ZFYVE9: variants seen among roughly 807,000 people sequenced by gnomAD.
The protein encoded by ZFYVE9 is zinc finger FYVE-type containing 9, also known as zinc finger FYVE domain-containing protein 9.
ZFYVE9 carries 43 observed loss-of-function variants against 126.7 expected under a neutral mutation model. That is an observed-to-expected ratio of 0.34 (90% confidence interval 0.27 to 0.44). ZFYVE9 has a LOEUF of 0.44. Among genes scored for constraint, ZFYVE9 ranks in the 20% least tolerant of loss-of-function variants. The probability of loss-of-function intolerance (pLI) is 1.00; values close to 1 mark genes in which losing one functional copy is unlikely to be tolerated. For missense variants in ZFYVE9, 1,476 were observed against 1,697.0 expected (o/e 0.87, Z 2.29); for synonymous variants, 521 against 597.4 (o/e 0.87, Z 1.87).
chr1:52,218,706 C>T (rs1275690124), intron 2 of ZFYVE9, among the ~76,000 whole-genome samples: 1 of 152,162 alleles, frequency 6.6e-6, no homozygotes, highest in Non-Finnish European at 1.5e-5. Context: ...GTTTCTATGG[C>T]TAGGGTTTGC....
At chr1:52,317,535 G>A (rs1385411933) in intron 13 of ZFYVE9, among the ~76,000 whole-genome samples, 5 of 151,352 alleles carry the variant, frequency 3.3e-5, no homozygotes, top group Admixed American at 2.6e-4. Flanking sequence ...TGACCTACTC[G>A]TCTACCTTAA....
intron 1 of ZFYVE9, among the ~76,000 whole-genome samples, chr1:52,144,826 A>G (rs907735057): frequency 3.3e-5 from 5 of 152,158 alleles, no homozygotes; most frequent in African/African-American, 1.2e-4. Flanking sequence ...ATGGACACCA[A>G]TGTCATTGTC....
chr1:52,197,043 TAA>T (rs1453501343), intron 1 of ZFYVE9, among the ~76,000 whole-genome samples: 1 of 152,110 alleles, frequency 6.6e-6, no homozygotes, highest in Non-Finnish European at 1.5e-5. Context: ...TTTCAAAATA[TAA>T]GTTTAACAGC....
chr1:52,302,283 G>A (rs1646042983), intron 12 of ZFYVE9, among the ~76,000 whole-genome samples: 1 of 152,120 alleles, frequency 6.6e-6, no homozygotes, highest in South Asian at 2.1e-4. Context: ...AAGTAATGAA[G>A]TCAAGTTACT....
At chr1:52,150,858 C>G (rs1272772522) in intron 1 of ZFYVE9, among the ~76,000 whole-genome samples, 2 of 151,794 alleles carry the variant, frequency 1.3e-5, no homozygotes, top group Non-Finnish European at 2.9e-5. Flanking sequence ...AAACTTTAAT[C>G]TCCATTTTTC....
chr1:52,255,935 TTTC>T (rs1172755183), intron 4 of ZFYVE9, among the ~76,000 whole-genome samples: 1 of 124,934 alleles, frequency 8.0e-6, no homozygotes, highest in Non-Finnish European at 1.6e-5. Flanking sequence ...TTTCTTTTCT[TTTC>T]TTTTCTTTTC....
chr1:52,187,714 C>T (rs1241358291), intron 1 of ZFYVE9, among the ~76,000 whole-genome samples: 1 of 152,234 alleles, frequency 6.6e-6, no homozygotes, highest in Non-Finnish European at 1.5e-5. Flanking sequence ...CTCACCATCA[C>T]TGATCATTAG....
At chr1:52,155,060 G>A (rs1411945172) in intron 1 of ZFYVE9, among the ~76,000 whole-genome samples, 1 of 152,054 alleles carries the variant, frequency 6.6e-6, no homozygotes, top group Non-Finnish European at 1.5e-5. Context: ...GATCCTTGAT[G>A]TGCCATTCCT....
At chr1:52,154,228 C>T (rs976924062) in intron 1 of ZFYVE9, among the ~76,000 whole-genome samples, 12 of 152,194 alleles carry the variant, frequency 7.9e-5, no homozygotes, top group Non-Finnish European at 1.3e-4. Context: ...ATGTCTAATC[C>T]TGTGAAGATC....
chr1:52,241,227 G>T (rs543459109), intron 4 of ZFYVE9, among the ~76,000 whole-genome samples: 5 of 152,186 alleles, frequency 3.3e-5, no homozygotes, highest in African/African-American at 1.2e-4. Context: ...GAGGAAAATG[G>T]TTCCTAGGTG....
chr1:52,334,266 TCAA>T (rs1321669638), intron 14 of ZFYVE9, among the ~76,000 whole-genome samples: 9 of 152,204 alleles, frequency 5.9e-5, no homozygotes, highest in Non-Finnish European at 1.0e-4. Flanking sequence ...GTGGTTTTTG[TCAA>T]CAACTATTCG....
intron 1 of ZFYVE9, among the ~76,000 whole-genome samples, chr1:52,151,625 C>T (rs1292535350): frequency 6.6e-6 from 1 of 151,680 alleles, no homozygotes; most frequent in African/African-American, 2.4e-5. Context: ...AAGCAATTCT[C>T]CTGCCTCAGC....
intron 1 of ZFYVE9, among the ~76,000 whole-genome samples, chr1:52,185,279 A>G (rs1557444672): frequency 6.6e-6 from 1 of 152,132 alleles, no homozygotes; most frequent in Non-Finnish European, 1.5e-5. Flanking sequence ...AGATATTTTT[A>G]TTATCCTCAT....
At position 52,346,254 on chromosome 1, in the gene ZFYVE9, T is replaced by C; in HGVS notation, c.*33T>C. On this transcript the variant is annotated 3_prime_UTR_variant, in exon 19 of 19. Transcript: ENST00000287727. ...AGACTTCATTTTTTTCTGTTCAGAC[T>C]TGTTGCAACAGCAGTCATACCCAAA... The C allele has an allele frequency of 6.5e-7, 1 of 1,540,476 alleles. No individual in the cohort carries two copies. Among genetic ancestry groups the C allele is most frequent in the East Asian group, 2.3e-5 (1 of 43,806 alleles).
intron 12 of ZFYVE9, among the ~76,000 whole-genome samples, chr1:52,303,272 A>G (rs762943006): frequency 2.6e-5 from 4 of 152,204 alleles, no homozygotes; most frequent in Non-Finnish European, 5.9e-5. Context: ...AAAGCCTCCT[A>G]AAGGCAAAAG....
intron 4 of ZFYVE9, among the ~76,000 whole-genome samples, chr1:52,253,196 G>A (rs1022956694): frequency 6.6e-6 from 1 of 152,130 alleles, no homozygotes; most frequent in Non-Finnish European, 1.5e-5. Context: ...GTTGTATATC[G>A]AGTCTTAAAT....
intron 1 of ZFYVE9, among the ~76,000 whole-genome samples, chr1:52,188,397 CAAAAT>C (rs1196738336): frequency 2.0e-5 from 3 of 152,068 alleles, no homozygotes; most frequent in African/African-American, 7.2e-5. Flanking sequence ...ACCTGGGTGA[CAAAAT>C]AATTTGTACA....
intron 4 of ZFYVE9, among the ~76,000 whole-genome samples, chr1:52,255,714 A>G (rs192615045): frequency 6.6e-6 from 1 of 152,180 alleles, no homozygotes; most frequent in East Asian, 1.9e-4. Flanking sequence ...GCAACGTGGC[A>G]AAACTCCATC....
intron 12 of ZFYVE9, among the ~76,000 whole-genome samples, chr1:52,296,244 C>T (rs1171685316): frequency 1.3e-5 from 2 of 151,720 alleles, no homozygotes; most frequent in East Asian, 1.9e-4. Flanking sequence ...AGGATTCCAG[C>T]GCCTGATTAT....
Sources: allele counts gnomAD v4.1 joint callset (sites outside exome capture counted in the v4.1 genomes callset), GRCh38; gene constraint gnomAD v4.1.1; transcripts MANE v1.5; gene names NCBI Gene and HGNC (gene_info 2026-07-23, HGNC 2026-07-21).